The following ZMYND8 variants were observed in gnomAD, a reference collection of about 807,000 sequenced individuals.
ZMYND8 encodes MYND-type zinc finger-containing chromatin reader ZMYND8.
Under a neutral mutation model 140.8 loss-of-function variants are expected in ZMYND8, and 37 were observed. The observed-to-expected ratio is 0.26, with a 90% CI of 0.20 to 0.35. ZMYND8 has a LOEUF of 0.35. Ranked by LOEUF, ZMYND8 falls within the 10% of genes least tolerant of loss-of-function variation. The pLI is 1.00. For synonymous variants in ZMYND8, 592 were observed against 597.1 expected, an observed-to-expected ratio of 0.99 and a Z score of 0.12; for missense variants, 1,068 against 1,570.0, an observed-to-expected ratio of 0.68 and a Z score of 5.40.
chr20:47,339,366 G>A (rs1281021078), intron 2 of ZMYND8, among the ~76,000 whole-genome samples: 1 of 152,120 alleles, frequency 6.6e-6, no homozygotes, highest in African/African-American at 2.4e-5. Context: ...CTGCAAGTGG[G>A]GGAAATGGCA....
intron 12 of ZMYND8, among the ~76,000 whole-genome samples, chr20:47,256,138 G>A (rs112069637): frequency 4.0e-4 from 61 of 151,662 alleles, no homozygotes; most frequent in African/African-American, 1.5e-3. Flanking sequence ...GGACTTCCAG[G>A]AACTACAAAA....
intron 2 of ZMYND8, among the ~76,000 whole-genome samples, chr20:47,333,737 A>AAAAAAAAC (rs1334775843): frequency 2.8e-5 from 4 of 140,756 alleles, no homozygotes; most frequent in African/African-American, 8.7e-5. Flanking sequence ...AAAAAAAAAA[A>AAAAAAAAC]AAAAAAAAAA....
intron 19 of ZMYND8, among the ~76,000 whole-genome samples, chr20:47,222,278 G>C (rs547068473): frequency 9.2e-5 from 14 of 152,360 alleles, no homozygotes; most frequent in African/African-American, 3.1e-4. Flanking sequence ...GCTCATGCCT[G>C]TAATCCCAGC....
At chr20:47,211,961 C>G (rs1366451952) in intron 22 of ZMYND8, among the ~76,000 whole-genome samples, 1 of 152,198 alleles carries the variant, frequency 6.6e-6, no homozygotes, top group Admixed American at 6.5e-5. Flanking sequence ...GAGAACTCTT[C>G]TTAGTCATGT....
rs1364616839 is a variant in ZMYND8, at chr20:47,224,298, C to T, written c.3256+19G>A. 6.2e-7 allele frequency: 1 copy of T among 1,613,038 alleles called. No individual in the cohort carries two copies. Among genetic ancestry groups the T allele is most frequent in the East Asian group, 2.2e-5 (1 of 44,848 alleles). On this transcript the variant is annotated intron_variant, in intron 19 of 22. Transcript: ENST00000471951. Reference sequence around the variant, plus strand: ...AGCCACTGCAGCCCAGGACGGGAGGCAGCCCCACAGGGCATTACCTGACTG... The same window carrying T: ...AGCCACTGCAGCCCAGGACGGGAGGTAGCCCCACAGGGCATTACCTGACTG...
intron 18 of ZMYND8, among the ~76,000 whole-genome samples, 181 bp from the exon 19 acceptor site, chr20:47,224,737 G>A (rs1331426997): frequency 2.0e-5 from 3 of 152,198 alleles, no homozygotes; most frequent in African/African-American, 7.2e-5. Context: ...ATTCATCATG[G>A]TGACCAGATG....
intron 21 of ZMYND8, among the ~76,000 whole-genome samples, chr20:47,215,848 A>G (rs1285654282): frequency 1.3e-5 from 2 of 152,252 alleles, no homozygotes; most frequent in Non-Finnish European, 2.9e-5. Flanking sequence ...AGTGGCTACC[A>G]TAGTGGACAG....
At chr20:47,301,403 G>A (rs1053752932) in intron 3 of ZMYND8, among the ~76,000 whole-genome samples, 2 of 151,902 alleles carry the variant, frequency 1.3e-5, no homozygotes, top group Non-Finnish European at 2.9e-5. Flanking sequence ...TGATCTGTCC[G>A]TCTCTGCCTC....
chr20:47,294,262 G>GA (rs2077493780), intron 5 of ZMYND8, among the ~76,000 whole-genome samples: 1 of 151,860 alleles, frequency 6.6e-6, no homozygotes, highest in Admixed American at 6.6e-5. Flanking sequence ...AGAGGCACGA[G>GA]AATCACTTGA....
intron 2 of ZMYND8, among the ~76,000 whole-genome samples, chr20:47,343,001 C>T (rs191758280): frequency 8.7e-4 from 132 of 151,774 alleles, no homozygotes; most frequent in African/African-American, 3.0e-3. Flanking sequence ...ATAGGCCAGC[C>T]GGGCATGGTG....
chr20:47,261,209 G>A (rs187601872), intron 12 of ZMYND8, among the ~76,000 whole-genome samples: 14 of 151,942 alleles, frequency 9.2e-5, no homozygotes, highest in South Asian at 2.1e-4. Context: ...CAACAAGAGC[G>A]AAACTCCATC....
In ZMYND8 at chr20:47,276,729, A is replaced by T; in HGVS notation, c.1065T>A (p.Thr355=). The change falls in exon 11 of 23, where the codon ACT becomes ACA. Residue 355 remains threonine, a synonymous_variant. Coordinates refer to ENST00000471951, the MANE Select transcript of ZMYND8 (RefSeq NM_001281775.3). ...SKEIPFSVKK[T]KSIFNSAMQE... Reference sequence around the variant, plus strand: ...GCATGGCACTGTTGAAGATGCTCTTAGTCTTTTTCACAGAAAAAGGAATTT... The same window carrying T: ...GCATGGCACTGTTGAAGATGCTCTTTGTCTTTTTCACAGAAAAAGGAATTT... 1 of 1,613,916 alleles carries T rather than the reference A, an allele frequency of 6.2e-7. No individual in the cohort carries two copies. Among genetic ancestry groups the T allele is most frequent in the Non-Finnish European group, 8.5e-7 (1 of 1,179,966 alleles).
At chr20:47,317,094 G>A (rs2079464583) in intron 2 of ZMYND8, among the ~76,000 whole-genome samples, 1 of 152,094 alleles carries the variant, frequency 6.6e-6, no homozygotes, top group Non-Finnish European at 1.5e-5. Flanking sequence ...CCTAATTTAG[G>A]GTCTATGATT....
intron 21 of ZMYND8, 21 bp downstream of exon 21, chr20:47,220,237 G>A (rs1469317658): frequency 5.1e-5 from 79 of 1,552,006 alleles, no homozygotes; most frequent in Non-Finnish European, 6.5e-5. Context: ...AGCACCGTTC[G>A]CCCACCAGGG....
intron 2 of ZMYND8, among the ~76,000 whole-genome samples, chr20:47,332,703 C>T (rs2081055895): frequency 6.6e-6 from 1 of 151,948 alleles, no homozygotes; most frequent in South Asian, 2.1e-4. Flanking sequence ...GAGCAAGCCC[C>T]TATCTCAAAA....
intron 21 of ZMYND8, among the ~76,000 whole-genome samples, chr20:47,219,842 A>C (rs2036677952): frequency 6.6e-6 from 1 of 152,292 alleles, no homozygotes; most frequent in South Asian, 2.1e-4. Flanking sequence ...CAATTCTCAA[A>C]GGCTTGAGCG....
At chr20:47,210,976 C>T (rs949425590) in intron 22 of ZMYND8, 79 bp from the exon 23 acceptor site, 1 of 1,553,996 alleles carries the variant, frequency 6.4e-7, no homozygotes, top group Non-Finnish European at 8.7e-7. Flanking sequence ...TGACCTGCCC[C>T]TCCTGCACAG....
chr20:47,327,004 T>A (rs1027779139), intron 2 of ZMYND8, among the ~76,000 whole-genome samples: 2 of 151,866 alleles, frequency 1.3e-5, no homozygotes, highest in Non-Finnish European at 2.9e-5. Flanking sequence ...GGATGGGGAG[T>A]TACGGGAGGG....
rs375834732 is a variant in ZMYND8 at position 47,289,265 on chromosome 20, T to G, written c.748+922A>C. ...ATTAAAACATCGTGACATAATACTTTACACCTTCAAGAACAGGTAAAATTT... is the reference window on the plus strand; with the variant it reads ...ATTAAAACATCGTGACATAATACTTGACACCTTCAAGAACAGGTAAAATTT... On this transcript the variant is annotated intron_variant, in intron 7 of 22. Coordinates refer to ENST00000471951, the MANE Select transcript of ZMYND8 (RefSeq NM_001281775.3). Among the ~76,000 whole-genome samples, 51 of 152,310 alleles carry G rather than the reference T, an allele frequency of 3.3e-4. No individual in the cohort carries two copies. The East Asian group carries it at 5.2e-3, about 16-fold the overall frequency.
Sources: gnomAD v4.1 joint callset for allele counts (sites outside exome capture counted in the v4.1 genomes callset) on GRCh38, gnomAD v4.1.1 for gene constraint, MANE v1.5 for transcripts, NCBI Gene and HGNC (gene_info 2026-07-23, HGNC 2026-07-21) for gene names.